RALGAPA2: variants seen among roughly 807,000 people sequenced by gnomAD.
RALGAPA2 encodes the protein Ral GTPase activating protein catalytic subunit alpha 2.
Under a neutral mutation model 230.4 loss-of-function variants are expected in RALGAPA2, and 139 were observed. The ratio of observed to expected loss-of-function variants is 0.60; its 90% CI spans 0.53 to 0.69. The LOEUF (loss-of-function observed/expected upper bound fraction) is 0.69. Ranked by LOEUF, RALGAPA2 falls within the 30% of genes least tolerant of loss-of-function variation. The probability of loss-of-function intolerance (pLI) is 0.00; values close to 1 mark genes in which losing one functional copy is unlikely to be tolerated. For synonymous variants in RALGAPA2, 847 were observed against 837.8 expected (o/e 1.01, Z -0.19); for missense variants, 2,163 against 2,276.0 (o/e 0.95, Z 1.01).
chr20:20,583,356 C>A (rs776242638), intron 19 of RALGAPA2, 130 bp from the exon 20 acceptor site: 36 of 1,033,746 alleles, frequency 3.5e-5, no homozygotes, highest in African/African-American at 1.1e-4. Context: ...TTTGGCAGAA[C>A]CTGCAGAACT....
chr20:20,645,377 G>A (rs2067178676), intron 4 of RALGAPA2, among the ~76,000 whole-genome samples: 1 of 151,972 alleles, frequency 6.6e-6, no homozygotes, highest in East Asian at 1.9e-4. Flanking sequence ...GCCTCCCAAA[G>A]TGCTGGGATT....
chr20:20,460,104 A>G (rs1297810073), intron 37 of RALGAPA2, among the ~76,000 whole-genome samples: 1 of 152,174 alleles, frequency 6.6e-6, no homozygotes, highest in Admixed American at 6.5e-5. Context: ...ACCCTGATTT[A>G]CCATGGCACA....
At chr20:20,698,707 A>G (rs891224257) in intron 1 of RALGAPA2, among the ~76,000 whole-genome samples, 2 of 152,210 alleles carry the variant, frequency 1.3e-5, no homozygotes, top group African/African-American at 4.8e-5. Context: ...GTCTAAAATG[A>G]TTAATTTTAT....
chr20:20,701,582 C>CA (rs1032060417), intron 1 of RALGAPA2, among the ~76,000 whole-genome samples: 5 of 151,876 alleles, frequency 3.3e-5, no homozygotes, highest in Non-Finnish European at 7.4e-5. Context: ...ACTAGTAATA[C>CA]AAAAAAATTA....
Position 20,616,158 on chromosome 20 carries a change from AC to A in RALGAPA2, c.1572del (p.Leu524PhefsTer12). The A allele has an allele frequency of 6.5e-7, 1 of 1,544,150 alleles. No individual in the cohort carries two copies. Among genetic ancestry groups the A allele is most frequent in the Non-Finnish European group, 8.7e-7 (1 of 1,145,862 alleles). On this transcript the variant is annotated frameshift_variant, in exon 13 of 40. Coordinates refer to ENST00000202677, the MANE Select transcript of RALGAPA2 (RefSeq NM_020343.4). LOFTEE classifies it high-confidence loss of function. ...ACAGGAACTTCAGCACATGGTTCCA[AC>A]AAAAAGATGTTTGCAGAGTTCGTCA... Reference protein sequence around the residue: ...VFLTNSANIFLLEPCAEVPVL... With the variant: ...VFLTNSANIFXLEPCAEVPVL...
At chr20:20,521,479 G>A (rs1221906466) in intron 30 of RALGAPA2, among the ~76,000 whole-genome samples, 1 of 152,034 alleles carries the variant, frequency 6.6e-6, no homozygotes, top group Non-Finnish European at 1.5e-5. Context: ...AACAAGCAGA[G>A]ACCATTAGTG....
At chr20:20,468,959 GTGTT>G (rs1453917310) in intron 37 of RALGAPA2, among the ~76,000 whole-genome samples, 16 of 147,770 alleles carry the variant, frequency 1.1e-4, no homozygotes, top group African/African-American at 3.4e-4. Flanking sequence ...GTGTGTGTGT[GTGTT>G]TGTGTGTGTG....
At chr20:20,698,606 G>C (rs1347312417) in intron 1 of RALGAPA2, among the ~76,000 whole-genome samples, 2 of 151,970 alleles carry the variant, frequency 1.3e-5, no homozygotes, top group African/African-American at 2.4e-5. Context: ...TACCATGTTG[G>C]TCAGGCTGGC....
intron 37 of RALGAPA2, among the ~76,000 whole-genome samples, chr20:20,435,015 C>G (rs2060578985): frequency 6.6e-6 from 1 of 152,246 alleles, no homozygotes; most frequent in African/African-American, 2.4e-5. Context: ...CTGTGTCCTA[C>G]CCCATGCCCA....
At chr20:20,655,009 T>G (rs1053480525) in intron 3 of RALGAPA2, among the ~76,000 whole-genome samples, 2 of 152,210 alleles carry the variant, frequency 1.3e-5, no homozygotes, top group East Asian at 3.8e-4. Context: ...TGTCAAACGT[T>G]TTTTCATAAA....
intron 3 of RALGAPA2, among the ~76,000 whole-genome samples, chr20:20,675,431 T>C (rs1346424790): frequency 6.6e-6 from 1 of 152,206 alleles, no homozygotes; most frequent in Non-Finnish European, 1.5e-5. Context: ...CAGCCAGCTC[T>C]GCACCTGCTC....
chr20:20,472,662 T>G, intron 37 of RALGAPA2, 167 bp downstream of exon 37: 1 of 555,264 alleles, frequency 1.8e-6, no homozygotes. Context: ...ATATTTAATA[T>G]AAATTAACAA....
intron 37 of RALGAPA2, among the ~76,000 whole-genome samples, chr20:20,434,993 C>G (rs1423108061): frequency 6.6e-6 from 1 of 152,230 alleles, no homozygotes; most frequent in African/African-American, 2.4e-5. Context: ...AACAAATCTA[C>G]AAGTTATTCT....
Position 20,620,526 on chromosome 20 carries a change from A to G in RALGAPA2, c.1338T>C (p.Asp446=), listed in dbSNP as rs536517292. The change falls in exon 11 of 40, where the codon GAT becomes GAC. Residue 446 remains aspartate, a synonymous_variant. Transcript: ENST00000202677. ...CATCTTCTTGGGCAACATCTTTTCT[A>G]TCTGGCTCCTCCATGAACACAGGTT... ...QDKPVFMEEP[D]RKDVAQEDAE... is the part of the protein sequence containing the mutation. The G allele has an allele frequency of 3.1e-6, 5 of 1,613,944 alleles. No individual in the cohort carries two copies. Among genetic ancestry groups the G allele is most frequent in the South Asian group, 2.2e-5 (2 of 91,086 alleles).
rs1185169005 is a variant in RALGAPA2 at position 20,437,383 on chromosome 20, G to C, written c.5496-25235C>G. Among the ~76,000 whole-genome samples the C allele has an allele frequency of 6.6e-6, 1 of 152,074 alleles. No individual in the cohort carries two copies. Among genetic ancestry groups the C allele is most frequent in the African/African-American group, 2.4e-5 (1 of 41,422 alleles). ...CCACGCCATTGTCATTTCGTTCCTGGATTATGGCTGTGGCCTCCTACCTCT... is the reference window on the plus strand; with the variant it reads ...CCACGCCATTGTCATTTCGTTCCTGCATTATGGCTGTGGCCTCCTACCTCT... On this transcript the variant is annotated intron_variant, in intron 37 of 39. Coordinates refer to ENST00000202677, the MANE Select transcript of RALGAPA2 (RefSeq NM_020343.4). The surrounding 1 kb of genome is among the most constrained non-coding windows in gnomAD (Gnocchi z 4.1).
chr20:20,393,431 T>A (rs1286870799), intron 39 of RALGAPA2, among the ~76,000 whole-genome samples, 178 bp from the exon 40 acceptor site: 1 of 151,724 alleles, frequency 6.6e-6, no homozygotes, highest in Non-Finnish European at 1.5e-5. Flanking sequence ...CACATGAATG[T>A]CTTTCTTCTT....
At chr20:20,680,444 C>G (rs2068478858) in intron 2 of RALGAPA2, among the ~76,000 whole-genome samples, 1 of 152,084 alleles carries the variant, frequency 6.6e-6, no homozygotes, top group Admixed American at 6.5e-5. Context: ...TAACTTACTC[C>G]TTTGAAAATC....
chr20:20,505,582 T>C, intron 33 of RALGAPA2, 48 bp from the exon 34 acceptor site: 2 of 1,442,836 alleles, frequency 1.4e-6, no homozygotes, highest in South Asian at 2.8e-5. Flanking sequence ...TATGTAAAAT[T>C]TTACTTCACT....
rs914668095 is a variant in RALGAPA2, at chr20:20,391,432, T to G, written c.*1857A>C. ...TCCTTCCACTTTGGGGCACCCTCAT[T>G]CTCTTCTGTTCAGGTGGTTCTCAAG... is the stretch of plus-strand genomic sequence containing the variant. On this transcript the variant is annotated 3_prime_UTR_variant, in exon 40 of 40. Transcript: ENST00000202677. 2.6e-5 allele frequency: 4 copies of G among 152,160 alleles called. No individual in the cohort carries two copies. The highest frequency in any genetic ancestry group is 9.7e-5 in the African/African-American group (4 of 41,394). The allele number at this position is 152,160 out of a possible 1,614,324, so 9.4% of individuals were successfully genotyped here. A position where few individuals can be genotyped will look rare whatever the true frequency, so the allele number is the denominator to read the frequency against.
Sources: gnomAD v4.1 joint callset for allele counts (sites outside exome capture counted in the v4.1 genomes callset) on GRCh38, gnomAD v4.1.1 for gene constraint, Gnocchi (gnomAD v3.1) non-coding constraint, MANE v1.5 for transcripts, NCBI Gene and HGNC (gene_info 2026-07-23, HGNC 2026-07-21) for gene names.